The following WDR49 variants were observed in gnomAD, a reference collection of about 807,000 sequenced individuals.
WDR49 encodes WD repeat domain 49.
In WDR49, 107 loss-of-function variants were observed where a neutral mutation model predicts 119.5. The ratio of observed to expected loss-of-function variants is 0.90; its 90% CI spans 0.77 to 1.05. The LOEUF (loss-of-function observed/expected upper bound fraction) is 1.05, where lower values mean the gene tolerates loss of function less well. Among genes scored for constraint, WDR49 ranks in the 50% least tolerant of loss-of-function variants. The probability of loss-of-function intolerance (pLI) is 0.00; values close to 1 mark genes in which losing one functional copy is unlikely to be tolerated. For missense variants in WDR49, 1,240 were observed against 1,220.5 expected, an observed-to-expected ratio of 1.02 and a Z score of -0.24; for synonymous variants, 425 against 418.8, an observed-to-expected ratio of 1.01 and a Z score of -0.18.
chr3:167,639,378 A>T (rs1163760799), intron 2 of WDR49, among the ~76,000 whole-genome samples: 1 of 151,702 alleles, frequency 6.6e-6, no homozygotes, highest in African/African-American at 2.4e-5. Context: ...TATTAAGAAA[A>T]GACTTCTCTG....
At chr3:167,586,188 C>T (rs1185919478) in intron 7 of WDR49, among the ~76,000 whole-genome samples, 3 of 152,086 alleles carry the variant, frequency 2.0e-5, no homozygotes, top group African/African-American at 4.8e-5. Flanking sequence ...TTAGTGGCCT[C>T]GGGGAGAATA....
chr3:167,584,751 C>A (rs1186873412), intron 7 of WDR49, among the ~76,000 whole-genome samples: 2 of 151,690 alleles, frequency 1.3e-5, no homozygotes, highest in African/African-American at 4.8e-5. Context: ...AAAAATGAAC[C>A]ATAAAGTTAA....
intron 7 of WDR49, among the ~76,000 whole-genome samples, chr3:167,598,871 T>C (rs746934257): frequency 6.6e-6 from 1 of 152,226 alleles, no homozygotes; most frequent in Non-Finnish European, 1.5e-5. Flanking sequence ...TTGGATAAAA[T>C]CCAGAAGTGT....
intron 10 of WDR49, among the ~76,000 whole-genome samples, chr3:167,552,397 A>G (rs1357659919): frequency 6.6e-6 from 1 of 152,056 alleles, no homozygotes; most frequent in African/African-American, 2.4e-5. Context: ...TTATGCTCTG[A>G]ATTATACTAA....
intron 7 of WDR49, among the ~76,000 whole-genome samples, chr3:167,592,475 G>A (rs373508135): frequency 9.3e-5 from 13 of 139,776 alleles, no homozygotes; most frequent in Middle Eastern, 3.6e-3. Flanking sequence ...TCACTCTGTC[G>A]CCAAGCTGGA....
chr3:167,558,520 C>A (rs1405429367), intron 9 of WDR49, among the ~76,000 whole-genome samples: 1 of 152,166 alleles, frequency 6.6e-6, no homozygotes, highest in Non-Finnish European at 1.5e-5. Context: ...TATAAATGCA[C>A]CTTCAGAAGC....
Position 167,520,675 on chromosome 3 carries a change from C to T in WDR49, c.2774+1640G>A, listed in dbSNP as rs942585035. Among the ~76,000 whole-genome samples, 4 of 152,034 alleles carry T rather than the reference C, an allele frequency of 2.6e-5. No homozygotes were observed. In the East Asian group the frequency reaches 5.8e-4, roughly 22 times the overall value. ...TTTTTTTCTTCTATCTATGTGTCAG[C>T]GGAGGTTCAAAAAGTTTGAAAGCAA... On this transcript the variant is annotated intron_variant, in intron 16 of 18. Coordinates refer to ENST00000682715, the MANE Select transcript of WDR49 (RefSeq NM_001366157.1).
chr3:167,501,585 T>G (rs1751570038), intron 17 of WDR49, among the ~76,000 whole-genome samples: 1 of 152,160 alleles, frequency 6.6e-6, no homozygotes, highest in Non-Finnish European at 1.5e-5. Flanking sequence ...AATTTAAAAA[T>G]CAACATATCT....
Position 167,653,321 on chromosome 3 carries a change from T to G in WDR49, c.105A>C (p.Thr35=). The stretch of plus-strand genomic sequence containing the variant: ...CGCTGAGTTGGTTTTCAAGCAGGCC[T>G]GTGCCATAGTCTTCAAATGCAGTTA... ...EGVTAFEDYG[T]GLLENQLSVG... Residue 35 remains threonine (T), a synonymous_variant, in exon 2 of 19, where the codon ACA becomes ACC. Coordinates refer to ENST00000682715, the MANE Select transcript of WDR49 (RefSeq NM_001366157.1). The G allele has an allele frequency of 6.5e-7, 1 of 1,536,222 alleles. No homozygotes were observed. The highest frequency in any genetic ancestry group is 8.7e-7 in the Non-Finnish European group (1 of 1,146,920).
chr3:167,620,739 G>C, intron 4 of WDR49, 136 bp from the exon 5 acceptor site: 1 of 809,190 alleles, frequency 1.2e-6, no homozygotes, highest in Non-Finnish European at 1.8e-6. Context: ...AGGATGCAGG[G>C]TGTTATACTA....
intron 10 of WDR49, among the ~76,000 whole-genome samples, chr3:167,543,193 C>G (rs1711949362): frequency 6.6e-6 from 1 of 151,912 alleles, no homozygotes; most frequent in Non-Finnish European, 1.5e-5. Flanking sequence ...GGATTCATAG[C>G]TGAATTCTAT....
chr3:167,602,089 A>G, intron 7 of WDR49, 38 bp downstream of exon 7: 2 of 1,546,076 alleles, frequency 1.3e-6, no homozygotes, highest in Non-Finnish European at 1.8e-6. Context: ...GAATCGGGGA[A>G]GCAAAACTAA....
chr3:167,634,193 C>G (rs530835060), intron 2 of WDR49, among the ~76,000 whole-genome samples: 1 of 151,892 alleles, frequency 6.6e-6, no homozygotes, highest in South Asian at 2.1e-4. Flanking sequence ...TCTATATGGT[C>G]TTTTTGAGGT....
At chr3:167,559,914 G>T in intron 9 of WDR49, 150 bp downstream of exon 9, 1 of 684,360 alleles carries the variant, frequency 1.5e-6, no homozygotes, top group South Asian at 3.0e-5. Flanking sequence ...AGCTTTATTA[G>T]ATGGTTGGAG....
chr3:167,482,535 C>G (rs544111428), intron 18 of WDR49, among the ~76,000 whole-genome samples: 2 of 150,734 alleles, frequency 1.3e-5, no homozygotes, highest in African/African-American at 4.9e-5. Flanking sequence ...AAAAATTAGT[C>G]GGGCCTGGTG....
Position 167,509,665 on chromosome 3 carries a change from T to TAA in WDR49, c.2775-4250_2775-4249insTT, listed in dbSNP as rs570962913. Among the ~76,000 whole-genome samples, 490 of 152,308 alleles carry TAA rather than the reference T, an allele frequency of 3.2e-3. 3 individuals are homozygous for TAA. Among genetic ancestry groups the TAA allele is most frequent in the African/African-American group, 0.011 (467 of 41,582 alleles). The stretch of plus-strand genomic sequence containing the variant: ...TAGCAAGATGACCCAAAGGCCTTTA[T>TAA]GCCTTTTGACTCAGCAATTCCTCTC... On this transcript the variant is annotated intron_variant, in intron 16 of 18. Transcript: ENST00000682715.
chr3:167,492,590 C>T (rs1751185607), intron 18 of WDR49, among the ~76,000 whole-genome samples: 1 of 152,044 alleles, frequency 6.6e-6, no homozygotes, highest in South Asian at 2.1e-4. Context: ...GTGCTTAGGG[C>T]TTCACATGGG....
chr3:167,590,654 A>C (rs1715064126), intron 7 of WDR49, among the ~76,000 whole-genome samples: 1 of 152,012 alleles, frequency 6.6e-6, no homozygotes, highest in African/African-American at 2.4e-5. Context: ...CTAGGAATTT[A>C]TCCATTTCTT....
At chr3:167,549,240 T>C (rs1174550244) in intron 10 of WDR49, among the ~76,000 whole-genome samples, 5 of 152,188 alleles carry the variant, frequency 3.3e-5, no homozygotes, top group Non-Finnish European at 7.4e-5. Context: ...ATGGTATTTC[T>C]AGTTCTAGAT....
Sources: allele counts gnomAD v4.1 joint callset (sites outside exome capture counted in the v4.1 genomes callset), GRCh38; gene constraint gnomAD v4.1.1; transcripts MANE v1.5; gene names NCBI Gene and HGNC (gene_info 2026-07-23, HGNC 2026-07-21).